The following CREB5 variants were observed in gnomAD, a reference collection of about 807,000 sequenced individuals.
The protein encoded by CREB5 is cAMP responsive element binding protein 5.
CREB5 carries 19 observed loss-of-function variants against 57.1 expected under a neutral mutation model. The ratio of observed to expected loss-of-function variants is 0.33; its 90% CI spans 0.23 to 0.49. The LOEUF is 0.49. Ranked by LOEUF, CREB5 falls within the 20% of genes least tolerant of loss-of-function variation. The probability of loss-of-function intolerance (pLI) is 0.99; values close to 1 mark genes in which losing one functional copy is unlikely to be tolerated. For missense variants in CREB5, 579 were observed against 671.6 expected (o/e 0.86, Z 1.52); for synonymous variants, 238 against 238.3 (o/e 1.00, Z 0.01).
At chr7:28,439,973 GC>G (rs1286676711) in intron 1 of CREB5, among the ~76,000 whole-genome samples, 1 of 152,134 alleles carries the variant, frequency 6.6e-6, no homozygotes, top group Non-Finnish European at 1.5e-5. Flanking sequence ...AGGAGTAAAG[GC>G]AGAAACACTT....
In CREB5 at chr7:28,766,515, G is replaced by A. The variant is rs190455578; in HGVS notation, c.703-37684G>A. Among the ~76,000 whole-genome samples, 18 of 152,324 alleles carry A rather than the reference G, an allele frequency of 1.2e-4. No homozygotes were observed. In the East Asian group the frequency reaches 3.5e-3, roughly 29 times the overall value. ...AGAATTTTAGTTAAATTTCTCAACT[G>A]GTTCTCAGCAAGGGATTTAAACAGA... On this transcript the variant is annotated intron_variant, in intron 7 of 10. Transcript: ENST00000357727.
intron 1 of CREB5, among the ~76,000 whole-genome samples, chr7:28,359,051 C>G (rs1297413472): frequency 6.6e-6 from 1 of 151,980 alleles, no homozygotes; most frequent in Non-Finnish European, 1.5e-5. Context: ...ATTTGTTTCT[C>G]TTTAATATTT....
chr7:28,523,504 C>G (rs891878545), intron 4 of CREB5, among the ~76,000 whole-genome samples: 6 of 152,200 alleles, frequency 3.9e-5, no homozygotes, highest in African/African-American at 1.4e-4. Context: ...GGGTCCTAAA[C>G]TCTTCTGGGA....
chr7:28,724,527 G>A (rs1381978830), intron 7 of CREB5, 195 bp downstream of exon 7: 1 of 561,868 alleles, frequency 1.8e-6, no homozygotes, highest in Non-Finnish European at 3.2e-6. Context: ...CATGTAACAA[G>A]CACTGGATTG....
intron 1 of CREB5, among the ~76,000 whole-genome samples, chr7:28,320,528 C>T (rs1422102657): frequency 2.6e-5 from 4 of 152,172 alleles, no homozygotes; most frequent in African/African-American, 7.2e-5. Context: ...CCTGATCCTG[C>T]CTGCATCCTA....
In CREB5 at chr7:28,804,195, T is replaced by A. The variant is rs1317370674; in HGVS notation, c.703-4T>A. ...TCTCTCTCCTCCCTTTTGTTCTGTTTCAGAGGTTGAAGGCTGCATTGACTC... is the reference window on the plus strand; with the variant it reads ...TCTCTCTCCTCCCTTTTGTTCTGTTACAGAGGTTGAAGGCTGCATTGACTC... On this transcript the variant is annotated splice_polypyrimidine_tract_variant and splice_region_variant and intron_variant, in intron 7 of 10. Transcript: ENST00000357727. 1 of 1,610,586 alleles carries A rather than the reference T, an allele frequency of 6.2e-7. No homozygotes were observed. Among genetic ancestry groups the A allele is most frequent in the Non-Finnish European group, 8.5e-7 (1 of 1,177,104 alleles).
chr7:28,670,986 CTG>C (rs1206576211), intron 5 of CREB5, among the ~76,000 whole-genome samples: 20 of 152,040 alleles, frequency 1.3e-4, no homozygotes, highest in African/African-American at 4.8e-4. Context: ...GAAAATATAA[CTG>C]TGGCGGAGAG....
chr7:28,401,406 A>T (rs914364517), intron 1 of CREB5, among the ~76,000 whole-genome samples: 6 of 151,598 alleles, frequency 4.0e-5, no homozygotes, highest in Admixed American at 3.9e-4. Flanking sequence ...TAATTAATTA[A>T]TTTTTTTAAT....
At chr7:28,609,546 G>C (rs774486485) in intron 5 of CREB5, among the ~76,000 whole-genome samples, 4 of 152,112 alleles carry the variant, frequency 2.6e-5, no homozygotes, top group Non-Finnish European at 5.9e-5. Context: ...ATTTTGATTT[G>C]ATTTTGTCTT....
chr7:28,680,666 G>A (rs1800542064), intron 5 of CREB5, among the ~76,000 whole-genome samples: 1 of 151,972 alleles, frequency 6.6e-6, no homozygotes, highest in African/African-American at 2.4e-5. Flanking sequence ...GGCCGAGGTG[G>A]GGGAATCATT....
chr7:28,578,293 C>A (rs1795982626), intron 5 of CREB5, among the ~76,000 whole-genome samples: 1 of 152,056 alleles, frequency 6.6e-6, no homozygotes, highest in African/African-American at 2.4e-5. Flanking sequence ...TTCCTGTTTA[C>A]AAATCCAGAA....
chr7:28,762,726 T>G (rs1366135174), intron 7 of CREB5, among the ~76,000 whole-genome samples: 1 of 89,644 alleles, frequency 1.1e-5, no homozygotes, highest in Admixed American at 1.0e-4. Flanking sequence ...TTGGCTATGG[T>G]TTTTTTTTTT....
intron 5 of CREB5, among the ~76,000 whole-genome samples, chr7:28,635,110 T>C (rs1332559876): frequency 1.3e-5 from 2 of 152,208 alleles, no homozygotes; most frequent in African/African-American, 4.8e-5. Flanking sequence ...CCCATACCAC[T>C]TCTAGTTAGT....
chr7:28,705,477 T>C (rs1305979471), intron 5 of CREB5, among the ~76,000 whole-genome samples: 5 of 152,168 alleles, frequency 3.3e-5, no homozygotes, highest in Non-Finnish European at 5.9e-5. Context: ...ATGTTTTGCA[T>C]GTTCTTTAAG....
intron 1 of CREB5, among the ~76,000 whole-genome samples, chr7:28,431,981 C>CATT (rs142344867): frequency 2.2e-5 from 3 of 137,930 alleles, no homozygotes; most frequent in East Asian, 2.3e-4. Context: ...AACAGCTATG[C>CATT]CTTTTTTTTT....
At chr7:28,511,688 G>A (rs767735782) in intron 4 of CREB5, among the ~76,000 whole-genome samples, 1 of 152,132 alleles carries the variant, frequency 6.6e-6, no homozygotes, top group African/African-American at 2.4e-5. Context: ...GTTTCACCGT[G>A]TTGCCCAGGC....
At chr7:28,706,396 A>T (rs1802108645) in intron 5 of CREB5, among the ~76,000 whole-genome samples, 2 of 151,866 alleles carry the variant, frequency 1.3e-5, no homozygotes, top group Admixed American at 1.3e-4. Flanking sequence ...GCCCTTTAGG[A>T]TGTAGGTATC....
intron 4 of CREB5, among the ~76,000 whole-genome samples, chr7:28,510,776 C>T (rs441355): frequency 6.6e-6 from 1 of 152,020 alleles, no homozygotes; most frequent in African/African-American, 2.4e-5. Flanking sequence ...GCAGACAACA[C>T]GTTCCATAAT....
chr7:28,309,553 G>T (rs1018321521), intron 1 of CREB5, among the ~76,000 whole-genome samples: 8 of 152,150 alleles, frequency 5.3e-5, no homozygotes, highest in Non-Finnish European at 1.0e-4. Context: ...TTCCCAGCTG[G>T]TGTTGAGAGC....
Sources: gnomAD v4.1 joint callset for allele counts (sites outside exome capture counted in the v4.1 genomes callset) on GRCh38, gnomAD v4.1.1 for gene constraint, MANE v1.5 for transcripts, NCBI Gene and HGNC (gene_info 2026-07-23, HGNC 2026-07-21) for gene names.